Variants in FNDC3B observed in about 807,000 individuals in gnomAD.
FNDC3B encodes the protein fibronectin type III domain-containing protein 3B.
Under a neutral mutation model 151.5 loss-of-function variants are expected in FNDC3B, and 12 were observed. The ratio of observed to expected loss-of-function variants is 0.08; its 90% CI spans 0.05 to 0.13. FNDC3B has a LOEUF of 0.13. Ranked by LOEUF, FNDC3B falls within the 10% of genes least tolerant of loss-of-function variation. FNDC3B has a pLI of 1.00. For synonymous variants in FNDC3B, 528 were observed against 549.0 expected, an observed-to-expected ratio of 0.96 and a Z score of 0.54; for missense variants, 1,214 against 1,505.3, an observed-to-expected ratio of 0.81 and a Z score of 3.20.
chr3:172,203,635 T>C (rs1298493975), intron 3 of FNDC3B, among the ~76,000 whole-genome samples: 2 of 152,216 alleles, frequency 1.3e-5, no homozygotes, highest in African/African-American at 2.4e-5. Flanking sequence ...AAGATTATGC[T>C]TGGTGTTCTT....
intron 9 of FNDC3B, chr3:172,302,230 G>A (rs2108233236): frequency 6.6e-6 from 1 of 152,300 alleles, no homozygotes; most frequent in South Asian, 2.1e-4. Context: ...TATTGCATGA[G>A]TTCACCCATC....
rs200014738 is a variant in FNDC3B, at chr3:172,343,032, C to T, written c.1993C>T (p.Arg665Cys). 1.3e-5 allele frequency: 21 copies of T among 1,611,412 alleles called. No homozygotes were observed. The highest frequency in any genetic ancestry group is 2.2e-5 in the East Asian group (1 of 44,864). ...HSQCSESLPV[R>C]TLSIAPGQCR... ...GCAGTGTTCTGAAAGTCTCCCTGTT[C>T]GCACACTAAGCATTGCACCAGGTCA... Residue 665 changes from arginine to cysteine, a missense_variant, in exon 18 of 26, where the codon CGC (arginine) becomes TGC (cysteine). Arg to Cys is a radical substitution (Grantham distance 180, BLOSUM62 -3). Coordinates refer to ENST00000415807, the MANE Select transcript of FNDC3B (RefSeq NM_022763.4).
chr3:172,336,716 C>T (rs981887001), intron 15 of FNDC3B, among the ~76,000 whole-genome samples: 6 of 151,760 alleles, frequency 4.0e-5, no homozygotes, highest in South Asian at 4.2e-4. Context: ...GCCTGACTAA[C>T]GTGGTGAAAC....
At chr3:172,115,659 G>C (rs781586674) in intron 2 of FNDC3B, among the ~76,000 whole-genome samples, 1 of 152,076 alleles carries the variant, frequency 6.6e-6, no homozygotes, top group Non-Finnish European at 1.5e-5. Flanking sequence ...TTGACTCTAG[G>C]GGTGGACATT....
intron 3 of FNDC3B, among the ~76,000 whole-genome samples, chr3:172,164,025 C>T (rs1282969427): frequency 6.6e-6 from 1 of 152,184 alleles, no homozygotes; most frequent in African/African-American, 2.4e-5. Flanking sequence ...TCACCCAGTG[C>T]ATTTGCAGTT....
intron 23 of FNDC3B, among the ~76,000 whole-genome samples, chr3:172,366,377 G>A (rs751399188): frequency 1.3e-5 from 2 of 152,056 alleles, no homozygotes; most frequent in Non-Finnish European, 2.9e-5. Context: ...CTACAGGAGC[G>A]CTAAGCATTG....
chr3:172,373,227 C>T (rs1225812845), intron 23 of FNDC3B, among the ~76,000 whole-genome samples: 25 of 152,196 alleles, frequency 1.6e-4, no homozygotes, highest in Admixed American at 1.6e-3. Flanking sequence ...CTCCCATTTC[C>T]AGTTGTTTTC....
chr3:172,316,313 T>C (rs945280931), intron 11 of FNDC3B: 1 of 427,392 alleles, frequency 2.3e-6, no homozygotes, highest in South Asian at 1.7e-5. Context: ...CTTCTTTTCT[T>C]GATGACATAT....
At chr3:172,363,713 G>T (rs1249471828) in intron 23 of FNDC3B, among the ~76,000 whole-genome samples, 3 of 152,178 alleles carry the variant, frequency 2.0e-5, no homozygotes, top group South Asian at 4.1e-4. Context: ...ACCCATTCTA[G>T]TTACACGGAA....
intron 3 of FNDC3B, among the ~76,000 whole-genome samples, chr3:172,173,617 A>G (rs1291629886): frequency 6.7e-6 from 1 of 149,866 alleles, no homozygotes; most frequent in East Asian, 1.9e-4. Flanking sequence ...CAACATAATG[A>G]GACTTTGTCT....
intron 25 of FNDC3B, among the ~76,000 whole-genome samples, chr3:172,384,026 C>T (rs185512515): frequency 7.9e-5 from 12 of 152,048 alleles, no homozygotes; most frequent in African/African-American, 2.9e-4. Flanking sequence ...AAACTTTGTT[C>T]AGTTCCAAAT....
intron 5 of FNDC3B, among the ~76,000 whole-genome samples, chr3:172,248,501 A>C (rs1417953877): frequency 6.6e-6 from 1 of 152,116 alleles, no homozygotes; most frequent in East Asian, 1.9e-4. Flanking sequence ...AAACCAGATA[A>C]TTGAGGGTAA....
intron 2 of FNDC3B, among the ~76,000 whole-genome samples, chr3:172,123,734 A>T (rs1720669992): frequency 6.6e-6 from 1 of 152,244 alleles, no homozygotes; most frequent in Non-Finnish European, 1.5e-5. Context: ...CATGGAAAAC[A>T]TCTATATAGA....
intron 21 of FNDC3B, among the ~76,000 whole-genome samples, chr3:172,350,017 G>C (rs1292949257): frequency 6.6e-6 from 1 of 152,132 alleles, no homozygotes; most frequent in African/African-American, 2.4e-5. Flanking sequence ...TTTCTCTTCG[G>C]AAAAGCAGAG....
intron 11 of FNDC3B, among the ~76,000 whole-genome samples, chr3:172,314,714 C>A (rs1393522036): frequency 6.6e-6 from 1 of 152,212 alleles, no homozygotes; most frequent in Non-Finnish European, 1.5e-5. Context: ...AGAGCAGCAG[C>A]CTTTATTTCT....
chr3:172,146,102 C>T (rs1721896838), intron 3 of FNDC3B, among the ~76,000 whole-genome samples: 1 of 151,950 alleles, frequency 6.6e-6, no homozygotes, highest in African/African-American at 2.4e-5. Flanking sequence ...CGTGAGCCAC[C>T]GTGCCTGGCG....
intron 3 of FNDC3B, among the ~76,000 whole-genome samples, chr3:172,203,116 A>G (rs1725242042): frequency 1.3e-5 from 2 of 152,206 alleles, no homozygotes; most frequent in Admixed American, 1.3e-4. Flanking sequence ...TATATATAGA[A>G]GTGGGAATGA....
At chr3:172,199,275 G>C (rs1197472644) in intron 3 of FNDC3B, among the ~76,000 whole-genome samples, 2 of 150,968 alleles carry the variant, frequency 1.3e-5, no homozygotes, top group Non-Finnish European at 1.5e-5. Context: ...CGCCTCCCGG[G>C]TTCACGCCAT....
At chr3:172,151,771 A>G (rs1722235255) in intron 3 of FNDC3B, among the ~76,000 whole-genome samples, 1 of 152,248 alleles carries the variant, frequency 6.6e-6, no homozygotes, top group African/African-American at 2.4e-5. Flanking sequence ...TAAGTGAAAC[A>G]TATAACAGGT....
Sources: gnomAD v4.1 joint callset for allele counts (sites outside exome capture counted in the v4.1 genomes callset) on GRCh38, gnomAD v4.1.1 for gene constraint, MANE v1.5 for transcripts, NCBI Gene and HGNC (gene_info 2026-07-23, HGNC 2026-07-21) for gene names.